Variants in MPRIP observed in about 807,000 individuals in gnomAD.
MPRIP encodes myosin phosphatase Rho-interacting protein.
In MPRIP, 59 loss-of-function variants were observed where a neutral mutation model predicts 234.9. The observed-to-expected ratio is 0.25, with a 90% CI of 0.20 to 0.31. The LOEUF (loss-of-function observed/expected upper bound fraction) is 0.31. Among genes scored for constraint, MPRIP ranks in the 10% least tolerant of loss-of-function variants. MPRIP has a pLI of 1.00. For missense variants in MPRIP, 2,436 were observed against 3,071.0 expected, an observed-to-expected ratio of 0.79 and a Z score of 4.89; for synonymous variants, 1,144 against 1,263.9, an observed-to-expected ratio of 0.91 and a Z score of 2.01.
rs751626989 is a variant in MPRIP at position 17,165,092 on chromosome 17, G to A, written c.3501G>A (p.Glu1167=). 5 of 1,303,850 alleles carry A rather than the reference G, an allele frequency of 3.8e-6. No individual in the cohort carries two copies. Among genetic ancestry groups the A allele is most frequent in the South Asian group, 1.2e-5 (1 of 81,036 alleles). The allele number at this position is 1,303,850 out of a possible 1,614,324, so 80.8% of individuals were successfully genotyped here. The change falls in exon 16 of 24, where the codon GAG becomes GAA. Residue 1167 remains glutamate (E), a synonymous_variant. Transcript: ENST00000651222. The part of the protein sequence containing the change: ...QSMHTLLREK[E]EELERIKEAH... ...TGCACACTCTGCTGAGAGAGAAGGA[G>A]GAAGAGCTGGAGCGCATTAAGGAAG...
At chr17:17,119,848 G>C (rs1375139169) in intron 3 of MPRIP, among the ~76,000 whole-genome samples, 4 of 152,184 alleles carry the variant, frequency 2.6e-5, no homozygotes, top group Non-Finnish European at 5.9e-5. Flanking sequence ...TAGAAATACT[G>C]ACTCACCGTT....
intron 5 of MPRIP, among the ~76,000 whole-genome samples, chr17:17,135,715 G>A (rs376632097): frequency 1.3e-5 from 2 of 152,238 alleles, no homozygotes; most frequent in Admixed American, 1.3e-4. Flanking sequence ...CCTCCTAAAG[G>A]CCCCACCTCC....
intron 9 of MPRIP, among the ~76,000 whole-genome samples, chr17:17,144,549 G>A (rs1032403503): frequency 2.0e-5 from 3 of 152,116 alleles, no homozygotes; most frequent in Non-Finnish European, 2.9e-5. Context: ...TGGAAATTAC[G>A]AGTTTTTGTT....
intron 3 of MPRIP, among the ~76,000 whole-genome samples, chr17:17,121,204 C>T (rs2090381881): frequency 6.6e-6 from 1 of 152,202 alleles, no homozygotes; most frequent in Non-Finnish European, 1.5e-5. Flanking sequence ...CTAGAGTGCA[C>T]TTACACAAAG....
chr17:17,160,349 A>G lies in MPRIP; in HGVS notation c.2401-891A>G, dbSNP rs191378690. On this transcript the variant is annotated intron_variant, in intron 14 of 23. Coordinates refer to ENST00000651222, the MANE Select transcript of MPRIP (RefSeq NM_001364716.4). ...CCATCGTACTCCAGCCTGGCGACAGAGCGAGAGTCCATCTCAAAAAAAATA... is the reference window on the plus strand; with the variant it reads ...CCATCGTACTCCAGCCTGGCGACAGGGCGAGAGTCCATCTCAAAAAAAATA... Among the ~76,000 whole-genome samples the G allele has an allele frequency of 2.9e-4, 44 of 152,324 alleles. No homozygotes were observed. The East Asian group carries it at 7.7e-3, about 27-fold the overall frequency.
intron 22 of MPRIP, 63 bp downstream of exon 22, chr17:17,177,475 A>G: frequency 6.4e-7 from 1 of 1,556,536 alleles, no homozygotes; most frequent in Admixed American, 1.8e-5. Context: ...TTGGTCGTAG[A>G]GGTTTCCCGG....
At chr17:17,146,720 T>G (rs2045473871) in intron 10 of MPRIP, among the ~76,000 whole-genome samples, 2 of 152,246 alleles carry the variant, frequency 1.3e-5, no homozygotes, top group South Asian at 4.1e-4. Flanking sequence ...TAAGAGGCCC[T>G]GATGCCTAGC....
intron 3 of MPRIP, among the ~76,000 whole-genome samples, chr17:17,088,727 A>G (rs1346130922): frequency 6.6e-6 from 1 of 152,114 alleles, no homozygotes; most frequent in East Asian, 1.9e-4. Flanking sequence ...TTCCTGGAAA[A>G]TATATCATGT....
chr17:17,177,434 T>A, intron 22 of MPRIP, 22 bp downstream of exon 22: 1 of 1,605,624 alleles, frequency 6.2e-7, no homozygotes, highest in Non-Finnish European at 8.5e-7. Context: ...GGTCATGCCC[T>A]CTCGGTTATT....
chr17:17,065,411 G>A (rs527518551), intron 1 of MPRIP, among the ~76,000 whole-genome samples: 6 of 139,210 alleles, frequency 4.3e-5, no homozygotes, highest in Non-Finnish European at 9.1e-5. Context: ...GCCTGTGGAC[G>A]AAGGGTCACT....
chr17:17,061,955 T>C (rs2088880435), intron 1 of MPRIP, among the ~76,000 whole-genome samples: 1 of 152,098 alleles, frequency 6.6e-6, no homozygotes, highest in Non-Finnish European at 1.5e-5. Flanking sequence ...AGGGTATGCT[T>C]GTGTCTGACA....
chr17:17,171,851 C>T lies in MPRIP; in HGVS notation c.6458C>T (p.Ala2153Val), dbSNP rs925239576. 8.1e-6 allele frequency: 13 copies of T among 1,610,102 alleles called. No homozygotes were observed. The highest frequency in any genetic ancestry group is 6.8e-5 in the African/African-American group (5 of 73,090). Residue 2153 changes from alanine to valine, a missense_variant, in exon 17 of 24, where the codon GCG (alanine) becomes GTG (valine). By Grantham distance (64) the Ala-to-Val change is moderately conservative. Transcript: ENST00000651222. Reference protein sequence around the residue: ...EKDRLLAEETAATISAIEAMK... With the variant: ...EKDRLLAEETVATISAIEAMK... ...GACCGCCTCCTAGCCGAGGAGACAG[C>T]GGCCACCATCTCAGGTTGGGGGGTG...
rs1322783868 is a variant in MPRIP, at chr17:17,166,477, T to C, written c.4886T>C (p.Val1629Ala). The C allele has an allele frequency of 3.1e-6, 4 of 1,304,282 alleles. No homozygotes were observed. Among genetic ancestry groups the C allele is most frequent in the Non-Finnish European group, 4.0e-6 (4 of 988,952 alleles). 80.8% of individuals were successfully genotyped at this position (1,304,282 alleles called of 1,614,324 possible). A position where few individuals can be genotyped will look rare whatever the true frequency, so the allele number is the denominator to read the frequency against. The change falls in exon 16 of 24, where the codon GTT becomes GCT. Residue 1629 changes from valine (V) to alanine (A), a missense_variant. By Grantham distance (64) the Val-to-Ala change is moderately conservative. This residue lies in a region of MPRIP where 1,998 missense variants were observed against 2,520.3 expected (regional missense o/e 0.79). Coordinates refer to ENST00000651222, the MANE Select transcript of MPRIP (RefSeq NM_001364716.4). This position sits in a 1 kb window ranked among gnomAD's most constrained non-coding sequence, Gnocchi z 4.4. Reference protein sequence around the residue: ...VLVDGEFWSQVESLRKHLGTL... With the variant: ...VLVDGEFWSQAESLRKHLGTL... ...GTGGATGGTGAGTTCTGGAGCCAGG[T>C]TGAGTCTCTGAGGAAGCACTTGGGG...
chr17:17,190,207 A>AT lies in MPRIP; in HGVS notation c.*5318dup, dbSNP rs2046559989. The AT allele has an allele frequency of 6.6e-6, 1 of 152,286 alleles. No individual in the cohort carries two copies. The highest frequency in any genetic ancestry group is 6.5e-5 in the Admixed American group (1 of 15,280). 9.4% of individuals were successfully genotyped at this position (152,286 alleles called of 1,614,324 possible). On this transcript the variant is annotated 3_prime_UTR_variant, in exon 24 of 24. Transcript: ENST00000651222. ...CACTTTAAAGATGTAAACTCAGTAG[A>AT]TTTTTCATCCAGTGAACGGTCATCT...
At position 17,167,757 on chromosome 17, in the gene MPRIP, A is replaced by G. The variant is rs1047325225; in HGVS notation, c.6166A>G (p.Thr2056Ala). The part of the protein sequence containing the change: ...LPAPAPNWQA[T>A]QGEADSMTGL... ...AGCCCCTGCCCCCAACTGGCAGGCC[A>G]CCCAGGGAGAGGCTGACTCCATGAC... Residue 2056 changes from threonine (T) to alanine (A), a missense_variant, in exon 16 of 24, where the codon ACC (threonine) becomes GCC (alanine). Transcript: ENST00000651222. The surrounding 1 kb of genome is among the most constrained non-coding windows in gnomAD (Gnocchi z 5.9). 1.5e-6 allele frequency: 2 copies of G among 1,303,978 alleles called. No individual in the cohort carries two copies. Among genetic ancestry groups the G allele is most frequent in the African/African-American group, 3.0e-5 (2 of 65,838 alleles). 80.8% of individuals were successfully genotyped at this position (1,303,978 alleles called of 1,614,324 possible).
At chr17:17,051,758 C>T (rs1211612949) in intron 1 of MPRIP, among the ~76,000 whole-genome samples, 3 of 152,252 alleles carry the variant, frequency 2.0e-5, no homozygotes, top group African/African-American at 4.8e-5. Context: ...CATTTTGTCT[C>T]TGGAAGCTGG....
At chr17:17,172,577 A>G in intron 17 of MPRIP, 121 bp from the exon 18 acceptor site, 1 of 711,100 alleles carries the variant, frequency 1.4e-6, no homozygotes, top group Non-Finnish European at 2.4e-6. Flanking sequence ...CCAACTGCTG[A>G]TTGACTAAGC....
chr17:17,060,427 T>A (rs536464632), intron 1 of MPRIP, among the ~76,000 whole-genome samples: 3 of 152,002 alleles, frequency 2.0e-5, no homozygotes, highest in Non-Finnish European at 2.9e-5. Context: ...TGGGGAGGAG[T>A]GTCCCATGGG....
chr17:17,090,079 C>T (rs1051376298), intron 3 of MPRIP, among the ~76,000 whole-genome samples: 3 of 152,170 alleles, frequency 2.0e-5, no homozygotes, highest in African/African-American at 4.8e-5. Context: ...TGAGCAGGGT[C>T]GTCTTGTTGG....
Sources: allele counts gnomAD v4.1 joint callset (sites outside exome capture counted in the v4.1 genomes callset), GRCh38; gene constraint gnomAD v4.1.1; regional missense constraint gnomAD v4.1.1; non-coding constraint Gnocchi (gnomAD v3.1); transcripts MANE v1.5; gene names NCBI Gene and HGNC (gene_info 2026-07-23, HGNC 2026-07-21).